Variants in CERT1 observed in about 807,000 individuals in gnomAD.
CERT1 encodes ceramide transporter 1.
In CERT1, 31 loss-of-function variants were observed where a neutral mutation model predicts 87.9. The observed-to-expected ratio is 0.35, with a 90% confidence interval of 0.27 to 0.48. The LOEUF is 0.48. CERT1 is among the 20% of genes least tolerant of loss of function. CERT1 has a pLI of 0.99. For missense variants in CERT1, 487 were observed against 758.0 expected (o/e 0.64, Z 4.20); for synonymous variants, 289 against 250.9 (o/e 1.15, Z -1.44).
In CERT1 at chr5:75,459,962, CAAA is replaced by C. The variant is rs753591061; in HGVS notation, c.232-784_232-782del. 2.6e-3 allele frequency among the ~76,000 whole-genome samples: 66 copies of C among 25,542 alleles called. No homozygotes were observed. The East Asian group carries it at 0.068, about 26-fold the overall frequency. 16.8% of individuals were successfully genotyped at this position (25,542 alleles called of 152,430 possible). A position where few individuals can be genotyped will look rare whatever the true frequency, so the allele number is the denominator to read the frequency against. ...GGGTGACAGAGTGAGTCCTCCGTCT[CAAA>C]AAAAAAAAAAAAAAAAAAAAAAAAG... On this transcript the variant is annotated intron_variant, in intron 2 of 16. Coordinates refer to ENST00000643780, the MANE Select transcript of CERT1 (RefSeq NM_001379029.1).
At chr5:75,442,970 T>C (rs780390721) in intron 3 of CERT1, among the ~76,000 whole-genome samples, 5 of 152,140 alleles carry the variant, frequency 3.3e-5, no homozygotes, top group Non-Finnish European at 5.9e-5. Flanking sequence ...TTTATATATA[T>C]ACATATAGAG....
At chr5:75,451,733 ATAATTCTGCCATCTAGT>A in intron 3 of CERT1, among the ~76,000 whole-genome samples, 1 of 152,324 alleles carries the variant, frequency 6.6e-6, no homozygotes, top group East Asian at 1.9e-4. Flanking sequence ...CTAAGAGTTA[ATAATTCTGCCATCTAGT>A]TATTTTAGAA....
intron 3 of CERT1, among the ~76,000 whole-genome samples, chr5:75,428,453 C>T (rs1211462669): frequency 2.6e-5 from 4 of 152,070 alleles, no homozygotes; most frequent in Admixed American, 1.3e-4. Flanking sequence ...CCAAGGCGGG[C>T]GGATCATGAG....
intron 11 of CERT1, among the ~76,000 whole-genome samples, chr5:75,390,459 T>A (rs1025832401): frequency 1.3e-5 from 2 of 152,058 alleles, no homozygotes; most frequent in East Asian, 1.9e-4. Flanking sequence ...TAAAATTTTT[T>A]AATTTAAATT....
At chr5:75,498,041 G>C (rs1229328232) in intron 2 of CERT1, among the ~76,000 whole-genome samples, 1 of 152,170 alleles carries the variant, frequency 6.6e-6, no homozygotes, top group Non-Finnish European at 1.5e-5. Flanking sequence ...AGAACTTGTT[G>C]GGAACTGGAG....
intron 5 of CERT1, 151 bp downstream of exon 5, chr5:75,425,210 T>A: frequency 1.5e-6 from 1 of 648,010 alleles, no homozygotes; most frequent in Non-Finnish European, 2.6e-6. Flanking sequence ...AGTACCCAAG[T>A]TACAAGGACA....
At chr5:75,402,183 GAGAA>G (rs1762523233) in intron 9 of CERT1, 1 of 152,152 alleles carries the variant, frequency 6.6e-6, no homozygotes, top group Non-Finnish European at 1.5e-5. Flanking sequence ...AAGCAAAAGT[GAGAA>G]AGAAACTGAA....
chr5:75,440,656 T>C (rs1485185015), intron 3 of CERT1, among the ~76,000 whole-genome samples: 8 of 152,090 alleles, frequency 5.3e-5, no homozygotes, highest in African/African-American at 1.9e-4. Flanking sequence ...GGGCCTATCA[T>C]ACACCCTAGT....
At chr5:75,430,858 G>A (rs577681108) in intron 3 of CERT1, among the ~76,000 whole-genome samples, 3 of 152,060 alleles carry the variant, frequency 2.0e-5, no homozygotes, top group Admixed American at 6.6e-5. Flanking sequence ...GCAATAAAGC[G>A]AGACACCATC....
intron 3 of CERT1, among the ~76,000 whole-genome samples, chr5:75,431,065 C>T (rs1380123840): frequency 3.9e-5 from 6 of 152,088 alleles, no homozygotes; most frequent in Non-Finnish European, 8.8e-5. Flanking sequence ...TACTGTTTTT[C>T]AATTTTAATT....
At chr5:75,503,001 A>T (rs1767456326) in intron 2 of CERT1, among the ~76,000 whole-genome samples, 1 of 152,034 alleles carries the variant, frequency 6.6e-6, no homozygotes, top group African/African-American at 2.4e-5. Context: ...TTTTCCTCTC[A>T]CCTACTTACT....
intron 2 of CERT1, among the ~76,000 whole-genome samples, chr5:75,464,039 C>T (rs1200713706): frequency 6.6e-6 from 1 of 152,044 alleles, no homozygotes; most frequent in East Asian, 1.9e-4. Flanking sequence ...ATGTAACTTT[C>T]TCAAGTTTCA....
chr5:75,388,638 A>ATATATC lies in CERT1; in HGVS notation c.1284+953_1284+954insGATATA, dbSNP rs1554034746. 2.0e-4 allele frequency among the ~76,000 whole-genome samples: 22 copies of ATATATC among 107,568 alleles called. No individual in the cohort carries two copies. The East Asian group carries it at 3.4e-3, about 16-fold the overall frequency. The allele number at this position is 107,568 out of a possible 152,430, so 70.6% of individuals were successfully genotyped here. On this transcript the variant is annotated intron_variant, in intron 12 of 16. Coordinates refer to ENST00000643780, the MANE Select transcript of CERT1 (RefSeq NM_001379029.1). ...TATATATATATATATATATATATAT[A>ATATATC]TATCTCACACAGGGTCTCACTTTGT...
At chr5:75,459,824 G>A (rs927583969) in intron 2 of CERT1, among the ~76,000 whole-genome samples, 3 of 151,890 alleles carry the variant, frequency 2.0e-5, no homozygotes, top group Non-Finnish European at 2.9e-5. Flanking sequence ...TCAGCTGGGC[G>A]TGGTGGTGGG....
At chr5:75,427,851 C>T (rs1049028275) in intron 3 of CERT1, among the ~76,000 whole-genome samples, 9 of 151,846 alleles carry the variant, frequency 5.9e-5, no homozygotes, top group African/African-American at 1.2e-4. Flanking sequence ...AACAAAGGAA[C>T]AAAAAGCTAC....
intron 3 of CERT1, among the ~76,000 whole-genome samples, chr5:75,429,081 T>C (rs1411429901): frequency 6.6e-6 from 1 of 151,596 alleles, no homozygotes; most frequent in Non-Finnish European, 1.5e-5. Flanking sequence ...ATGGTCTTTT[T>C]GTCAAAAAAC....
downstream of CERT1, chr5:75,373,803 CACAAAACCTGAT>C (rs1244763571): frequency 5.2e-5 from 16 of 304,838 alleles, no homozygotes; most frequent in Non-Finnish European, 8.3e-5. Flanking sequence ...TTCTTTTGTG[CACAAAACCTGAT>C]ACAACAGAGG....
At chr5:75,401,107 C>T (rs543432401) in intron 9 of CERT1, 2 of 152,206 alleles carry the variant, frequency 1.3e-5, no homozygotes, top group Non-Finnish European at 2.9e-5. Flanking sequence ...GCTCTCACTA[C>T]TCTATAGAGT....
chr5:75,401,698 T>C (rs1762494335), intron 9 of CERT1: 1 of 152,218 alleles, frequency 6.6e-6, no homozygotes, highest in African/African-American at 2.4e-5. Flanking sequence ...ATGAACTTTT[T>C]ATCAGTAATT....
Sources: gnomAD v4.1 joint callset for allele counts (sites outside exome capture counted in the v4.1 genomes callset) on GRCh38, gnomAD v4.1.1 for gene constraint, MANE v1.5 for transcripts, NCBI Gene and HGNC (gene_info 2026-07-23, HGNC 2026-07-21) for gene names.